The following GALNT18 variants were observed in gnomAD, a reference collection of about 807,000 sequenced individuals.
GALNT18 encodes polypeptide N-acetylgalactosaminyltransferase 18.
A neutral mutation model predicts 69.5 loss-of-function variants in GALNT18; 44 were observed. The ratio of observed to expected loss-of-function variants is 0.63; its 90% confidence interval spans 0.50 to 0.81. The LOEUF (loss-of-function observed/expected upper bound fraction) is 0.81. Ranked by LOEUF, GALNT18 falls within the 40% of genes least tolerant of loss-of-function variation. The probability of loss-of-function intolerance (pLI) is 0.00; values close to 1 mark genes in which losing one functional copy is unlikely to be tolerated. For synonymous variants in GALNT18, 364 were observed against 318.2 expected, an observed-to-expected ratio of 1.14 and a Z score of -1.53; for missense variants, 715 against 810.0, an observed-to-expected ratio of 0.88 and a Z score of 1.42.
At chr11:11,319,337 T>C (rs1849805754) in intron 9 of GALNT18, among the ~76,000 whole-genome samples, 2 of 152,192 alleles carry the variant, frequency 1.3e-5, no homozygotes, top group African/African-American at 4.8e-5. Context: ...GTGGTGAAGA[T>C]TTGAAGATTA....
chr11:11,372,586 A>C lies in GALNT18; in HGVS notation c.1021T>G (p.Phe341Val). Reference protein sequence around the residue: ...IGCFIVDRQYFQEIGLLDEGM... With the variant: ...IGCFIVDRQYVQEIGLLDEGM... ...TCGTCCAGCAGGCCGATCTCCTGGAAGTACTGCCGGTCCACAATGAAGCAG... is the reference window on the plus strand; with the variant it reads ...TCGTCCAGCAGGCCGATCTCCTGGACGTACTGCCGGTCCACAATGAAGCAG... Residue 341 changes from phenylalanine to valine, a missense_variant, in exon 6 of 11, where the codon TTC becomes GTC. Phe to Val is a conservative substitution (Grantham distance 50). Transcript: ENST00000227756. This position sits in a 1 kb window ranked among gnomAD's most constrained non-coding sequence, Gnocchi z 4.9. 6.2e-7 allele frequency: 1 copy of C among 1,614,216 alleles called. No individual in the cohort carries two copies. Among genetic ancestry groups the C allele is most frequent in the Non-Finnish European group, 8.5e-7 (1 of 1,180,032 alleles).
chr11:11,577,064 T>C (rs11826522), intron 1 of GALNT18, among the ~76,000 whole-genome samples: 25,724 of 152,232 alleles, frequency 0.17, 2,316 homozygotes, highest in Admixed American at 0.26. Flanking sequence ...TCTGCAGCGC[T>C]GGCTGGCTGT....
intron 1 of GALNT18, among the ~76,000 whole-genome samples, chr11:11,472,596 TAGACC>T (rs71453972): frequency 4.3e-5 from 4 of 92,804 alleles, no homozygotes; most frequent in African/African-American, 1.8e-4. Flanking sequence ...GAAACAAAGA[TAGACC>T]AGACTCTTAT....
rs1336503169 is a variant in GALNT18, at chr11:11,444,508, T to TA, written c.428+4235dup. 6.6e-6 allele frequency among the ~76,000 whole-genome samples: 1 copy of TA among 152,140 alleles called. No individual in the cohort carries two copies. Among genetic ancestry groups the TA allele is most frequent in the Non-Finnish European group, 1.5e-5 (1 of 68,034 alleles). On this transcript the variant is annotated intron_variant, in intron 2 of 10. Coordinates refer to ENST00000227756, the MANE Select transcript of GALNT18 (RefSeq NM_198516.3). The surrounding 1 kb of genome is among the most constrained non-coding windows in gnomAD (Gnocchi z 4.4). ...GAGTGCTCAGTAAATGTTGGCTGGA[T>TA]AAAAAAATAAACGAGGCCTAGCAAC... is the stretch of plus-strand genomic sequence containing the variant.
At chr11:11,386,315 T>G (rs1013483879) in intron 3 of GALNT18, among the ~76,000 whole-genome samples, 1 of 152,164 alleles carries the variant, frequency 6.6e-6, no homozygotes, top group Non-Finnish European at 1.5e-5. Context: ...AGCTTTCTTC[T>G]CTTCTGTCTC....
rs145304909 is a variant in GALNT18, at chr11:11,600,937, TTTTTC to T, written c.235+20417_235+20421del. On this transcript the variant is annotated intron_variant, in intron 1 of 10. Coordinates refer to ENST00000227756, the MANE Select transcript of GALNT18 (RefSeq NM_198516.3). This position sits in a 1 kb window ranked among gnomAD's most constrained non-coding sequence, Gnocchi z 4.8. ...ATATATTTTTAAGTGCCCCAGTGAT[TTTTTC>T]TTTTCATTTCTTAAACATTTCAAGT... Among the ~76,000 whole-genome samples, 98 of 152,182 alleles carry T rather than the reference TTTTTC, an allele frequency of 6.4e-4. No homozygotes were observed. The highest frequency in any genetic ancestry group is 2.1e-3 in the African/African-American group (88 of 41,538).
intron 3 of GALNT18, among the ~76,000 whole-genome samples, chr11:11,379,602 T>C (rs1853861608): frequency 1.3e-5 from 2 of 152,338 alleles, no homozygotes; most frequent in South Asian, 4.1e-4. Context: ...TCATGCAGCT[T>C]GTGAGTGGCA....
intron 3 of GALNT18, among the ~76,000 whole-genome samples, chr11:11,428,053 A>G (rs1278429884): frequency 2.0e-5 from 3 of 152,236 alleles, no homozygotes; most frequent in Non-Finnish European, 4.4e-5. Flanking sequence ...GGTCTGATCC[A>G]TCACCCTCTT....
rs1413447935 is a variant in GALNT18 at position 11,602,679 on chromosome 11, A to G, written c.235+18680T>C. On this transcript the variant is annotated intron_variant, in intron 1 of 10. Coordinates refer to ENST00000227756, the MANE Select transcript of GALNT18 (RefSeq NM_198516.3). This position sits in a 1 kb window ranked among gnomAD's most constrained non-coding sequence, Gnocchi z 4.7. The stretch of plus-strand genomic sequence containing the variant: ...TGTTGTTTAATAATTTTTACCAGTT[A>G]TGTTGTTTCACTGGGCAAAGGACCC... 6.6e-6 allele frequency among the ~76,000 whole-genome samples: 1 copy of G among 152,104 alleles called. No homozygotes were observed. The highest frequency in any genetic ancestry group is 1.5e-5 in the Non-Finnish European group (1 of 68,010).
chr11:11,466,063 G>C (rs376425817), intron 1 of GALNT18, among the ~76,000 whole-genome samples: 1 of 151,850 alleles, frequency 6.6e-6, no homozygotes, highest in Non-Finnish European at 1.5e-5. Context: ...CCCATTATAC[G>C]CAAACAGATA....
chr11:11,281,919 G>A (rs912627891), intron 10 of GALNT18, among the ~76,000 whole-genome samples: 4 of 151,970 alleles, frequency 2.6e-5, no homozygotes, highest in African/African-American at 9.7e-5. Flanking sequence ...GAGGCTGGGA[G>A]GGGAGGGTGC....
At chr11:11,483,489 A>T (rs1004118098) in intron 1 of GALNT18, among the ~76,000 whole-genome samples, 1 of 152,208 alleles carries the variant, frequency 6.6e-6, no homozygotes, top group Non-Finnish European at 1.5e-5. Flanking sequence ...TGTCCACTGG[A>T]CATTATTCTG....
intron 9 of GALNT18, among the ~76,000 whole-genome samples, chr11:11,298,980 T>C (rs1849447526): frequency 1.3e-5 from 2 of 152,152 alleles, no homozygotes; most frequent in African/African-American, 4.8e-5. Context: ...CCCCACTCCC[T>C]TGCATTCTTT....
chr11:11,335,062 T>A (rs577496613), intron 7 of GALNT18, among the ~76,000 whole-genome samples: 1 of 152,372 alleles, frequency 6.6e-6, no homozygotes, highest in South Asian at 2.1e-4. Flanking sequence ...TTTATGTGAC[T>A]AAATTTAACA....
At chr11:11,292,061 C>CG (rs1341414870) in intron 10 of GALNT18, among the ~76,000 whole-genome samples, 1 of 152,096 alleles carries the variant, frequency 6.6e-6, no homozygotes, top group Non-Finnish European at 1.5e-5. Context: ...AGCAGCTTGC[C>CG]GGGAGGCTGG....
intron 3 of GALNT18, among the ~76,000 whole-genome samples, chr11:11,379,662 C>T (rs752616220): frequency 2.4e-4 from 36 of 152,206 alleles, no homozygotes; most frequent in African/African-American, 5.5e-4. Flanking sequence ...ATCATCAGCA[C>T]GGCTACCTCC....
intron 3 of GALNT18, among the ~76,000 whole-genome samples, chr11:11,388,517 A>T (rs1442477519): frequency 6.6e-6 from 1 of 152,102 alleles, no homozygotes; most frequent in African/African-American, 2.4e-5. Context: ...CAAACAAAAA[A>T]CCTTGAGTTC....
In GALNT18 at chr11:11,396,337, AAG is replaced by A. The variant is rs1335704216; in HGVS notation, c.596-17075_596-17074del. Among the ~76,000 whole-genome samples, 4 of 152,284 alleles carry A rather than the reference AAG, an allele frequency of 2.6e-5. No individual in the cohort carries two copies. The highest frequency in any genetic ancestry group is 4.2e-4 in the South Asian group (2 of 4,810). Reference sequence around the variant, plus strand: ...AAGGGCAACATTTCGAGAGGTGAGGAAGAGAGAGTTTGCTTAGAGATTAAATG... The same window carrying A: ...AAGGGCAACATTTCGAGAGGTGAGGAAGAGAGTTTGCTTAGAGATTAAATG... On this transcript the variant is annotated intron_variant, in intron 3 of 10. Transcript: ENST00000227756. This position sits in a 1 kb window ranked among gnomAD's most constrained non-coding sequence, Gnocchi z 5.2.
chr11:11,484,774 G>A lies in GALNT18; in HGVS notation c.236-35838C>T, dbSNP rs147637555. Among the ~76,000 whole-genome samples, 315 of 152,270 alleles carry A rather than the reference G, an allele frequency of 2.1e-3. 1 individual carries two copies. Among genetic ancestry groups the A allele is most frequent in the African/African-American group, 7.2e-3 (298 of 41,552 alleles). ...GAACCCAAGTTATGGGGGGACCTTA[G>A]CAGCCCTGCCAAAGGTCCAAAGCAG... On this transcript the variant is annotated intron_variant, in intron 1 of 10. Transcript: ENST00000227756.
Sources: allele counts gnomAD v4.1 joint callset (sites outside exome capture counted in the v4.1 genomes callset), GRCh38; gene constraint gnomAD v4.1.1; non-coding constraint Gnocchi (gnomAD v3.1); transcripts MANE v1.5; gene names NCBI Gene and HGNC (gene_info 2026-07-23, HGNC 2026-07-21).